Variants in ZNF778 observed in about 807,000 individuals in gnomAD.
ZNF778 encodes zinc finger protein 778.
ZNF778 carries 37 observed loss-of-function variants against 23.9 expected under a neutral mutation model. That is an observed-to-expected ratio of 1.54 (90% CI 1.19 to 2.03). The LOEUF (loss-of-function observed/expected upper bound fraction) is 2.03, where lower values mean the gene tolerates loss of function less well. ZNF778 is among the 30% of genes most tolerant of loss of function. The pLI is 0.00. For synonymous variants in ZNF778, 483 were observed against 343.9 expected, an observed-to-expected ratio of 1.40 and a Z score of -4.48; for missense variants, 1,297 against 934.4, an observed-to-expected ratio of 1.39 and a Z score of -5.06.
At chr16:89,226,468 G>A (rs1038384521) in intron 6 of ZNF778, among the ~76,000 whole-genome samples, 1 of 152,204 alleles carries the variant, frequency 6.6e-6, no homozygotes, top group African/African-American at 2.4e-5. Context: ...GCCTCCCAAA[G>A]TTCTGGGATT....
In ZNF778 at chr16:89,228,186, T is replaced by C. The variant is rs768993107; in HGVS notation, c.1898T>C (p.Ile633Thr). Residue 633 changes from isoleucine to threonine, a missense_variant, in exon 7 of 7, where the codon ATC (isoleucine) becomes ACC (threonine). By Grantham distance (89) the Ile-to-Thr change is moderately conservative. Coordinates refer to ENST00000433976, the MANE Select transcript of ZNF778 (RefSeq NM_001201407.2). Reference sequence around the variant, plus strand: ...GCCTTCACCACATCCTCACACCTTATCGTGCACATAAGAACCCACACCGGT... The same window carrying C: ...GCCTTCACCACATCCTCACACCTTACCGTGCACATAAGAACCCACACCGGT... ...GKAFTTSSHLIVHIRTHTGEK... is the reference protein window; with the variant it reads ...GKAFTTSSHLTVHIRTHTGEK... The C allele has an allele frequency of 1.2e-6, 2 of 1,613,166 alleles. No individual in the cohort carries two copies. Among genetic ancestry groups the C allele is most frequent in the Admixed American group, 1.7e-5 (1 of 59,898 alleles).
intron 1 of ZNF778, among the ~76,000 whole-genome samples, chr16:89,218,598 T>G (rs535357820): frequency 6.8e-6 from 1 of 147,178 alleles, no homozygotes; most frequent in Middle Eastern, 3.9e-3. Flanking sequence ...GACACCATCC[T>G]GGCTAACACG....
At position 89,227,557 on chromosome 16, in the gene ZNF778, C is replaced by G. The variant is rs1447340581; in HGVS notation, c.1269C>G (p.Cys423Trp). 1.2e-6 allele frequency: 2 copies of G among 1,613,850 alleles called. No individual in the cohort carries two copies. The highest frequency in any genetic ancestry group is 2.7e-5 in the African/African-American group (2 of 74,866). ...ACACTGGAATAAAACCCTATACATG[C>G]AGCTACTGTGGGAAGGCCTTCACTG... ...RIHTGIKPYT[C>W]SYCGKAFTVR... The change falls in exon 7 of 7, where the codon TGC (cysteine) becomes TGG (tryptophan). Residue 423 changes from cysteine to tryptophan, a missense_variant. Cys to Trp is a radical substitution (Grantham distance 215). Transcript: ENST00000433976.
rs9941250 is a variant in ZNF778, at chr16:89,235,372, G to T, written c.*6810G>T. On this transcript the variant is annotated 3_prime_UTR_variant, in exon 7 of 7. Transcript: ENST00000433976. ...ATTCGCTTGCCCTGGCCTCCAGGCA[G>T]TCCTGCAGCAGCAAACACATCATCA... 0.77 allele frequency: 117,324 copies of T among 152,072 alleles called. 46,930 individuals are homozygous for T. The highest frequency in any genetic ancestry group is 0.89 in the Non-Finnish European group (60,472 of 68,022). 9.4% of individuals were successfully genotyped at this position (152,072 alleles called of 1,614,324 possible). A position where few individuals can be genotyped will look rare whatever the true frequency, so the allele number is the denominator to read the frequency against.
intron 4 of ZNF778, among the ~76,000 whole-genome samples, chr16:89,223,553 C>G (rs908718702): frequency 7.2e-5 from 11 of 152,192 alleles, no homozygotes; most frequent in African/African-American, 2.4e-4. Context: ...CCTGTCATCT[C>G]TCCTGTAACA....
intron 1 of ZNF778, among the ~76,000 whole-genome samples, chr16:89,219,837 T>G (rs2030745757): frequency 6.6e-6 from 1 of 152,276 alleles, no homozygotes; most frequent in African/African-American, 2.4e-5. Context: ...CAGAGTGTTG[T>G]GCCTCTTTTT....
At chr16:89,223,394 A>G (rs927738292) in intron 4 of ZNF778, 111 bp downstream of exon 4, 12 of 1,465,192 alleles carry the variant, frequency 8.2e-6, no homozygotes, top group Non-Finnish European at 1.1e-5. Flanking sequence ...AGTAAGAGAT[A>G]TAACAACTGT....
Position 89,229,168 on chromosome 16 carries a change from C to T in ZNF778, c.*606C>T. The T allele has an allele frequency of 1.0e-6, 1 of 986,016 alleles. No homozygotes were observed. 61.1% of individuals were successfully genotyped at this position (986,016 alleles called of 1,614,324 possible). A position where few individuals can be genotyped will look rare whatever the true frequency, so the allele number is the denominator to read the frequency against. On this transcript the variant is annotated 3_prime_UTR_variant, in exon 7 of 7. Transcript: ENST00000433976. ...AGTGTCCACGTCGCAGCCTGGCTAA[C>T]AGTAGGCCTTGAGGACTCAGATGTG...
chr16:89,225,144 CTTGCTCTG>C (rs2031360677), intron 5 of ZNF778, among the ~76,000 whole-genome samples: 2 of 85,328 alleles, frequency 2.3e-5, no homozygotes, highest in Admixed American at 4.0e-4. Flanking sequence ...GAGACGGAGT[CTTGCTCTG>C]TTGCCCAGGC....
rs552463344 is a variant in ZNF778 at position 89,231,551 on chromosome 16, A to T, written c.*2989A>T. The T allele has an allele frequency of 6.6e-6, 1 of 152,176 alleles. No homozygotes were observed. The highest frequency in any genetic ancestry group is 1.5e-5 in the Non-Finnish European group (1 of 68,048). 9.4% of individuals were successfully genotyped at this position (152,176 alleles called of 1,614,324 possible). A position where few individuals can be genotyped will look rare whatever the true frequency, so the allele number is the denominator to read the frequency against. On this transcript the variant is annotated 3_prime_UTR_variant, in exon 7 of 7. Transcript: ENST00000433976. ...CAGAACCTCCTCAGCAGCGATGCCC[A>T]TGGACTGGGGTTCCTAAGGCACAAA...
rs560529648 is a variant in ZNF778, at chr16:89,228,026, A to G, written c.1738A>G (p.Ile580Val). The G allele has an allele frequency of 8.2e-6, 13 of 1,589,230 alleles. 1 individual carries two copies. In the African/African-American group the frequency reaches 1.6e-4, roughly 20 times the overall value. Reference protein sequence around the residue: ...FRNSSCLNKHIQIHTGIKPYE... With the variant: ...FRNSSCLNKHVQIHTGIKPYE... ...AAATTCCTCGTGCCTGAATAAGCAC[A>G]TTCAGATTCACACTGGAATAAAACC... Residue 580 changes from isoleucine to valine, a missense_variant, in exon 7 of 7, where the codon ATT (isoleucine) becomes GTT (valine). Coordinates refer to ENST00000433976, the MANE Select transcript of ZNF778 (RefSeq NM_001201407.2).
At chr16:89,225,320 T>G (rs1215236523) in intron 5 of ZNF778, among the ~76,000 whole-genome samples, 3 of 151,958 alleles carry the variant, frequency 2.0e-5, no homozygotes, top group African/African-American at 4.8e-5. Flanking sequence ...TCCAGCTCTT[T>G]CCTGCTTTCT....
rs373292938 is a variant in ZNF778, at chr16:89,228,208, C to T, written c.1920C>T (p.Thr640=). 5.0e-5 allele frequency: 81 copies of T among 1,613,286 alleles called. 1 individual carries two copies. The highest frequency in any genetic ancestry group is 3.3e-4 in the Middle Eastern group (2 of 6,084). The change falls in exon 7 of 7, where the codon ACC becomes ACT. Residue 640 remains threonine (T), a synonymous_variant. Coordinates refer to ENST00000433976, the MANE Select transcript of ZNF778 (RefSeq NM_001201407.2). Reference sequence around the variant, plus strand: ...TTATCGTGCACATAAGAACCCACACCGGTGAGAAACCCTACATATGTAAGG... The same window carrying T: ...TTATCGTGCACATAAGAACCCACACTGGTGAGAAACCCTACATATGTAAGG... ...SHLIVHIRTH[T]GEKPYICKEC... is the part of the protein sequence containing the mutation.
chr16:89,223,282 A>G lies in ZNF778; in HGVS notation c.243A>G (p.Val81=), dbSNP rs766616901. 6.2e-7 allele frequency: 1 copy of G among 1,613,940 alleles called. No individual in the cohort carries two copies. Among genetic ancestry groups the G allele is most frequent in the South Asian group, 1.1e-5 (1 of 91,062 alleles). ...MLENYENLAS[V]GHHLFQPSVI... is the part of the protein sequence containing the mutation. ...AAAACTACGAGAACCTGGCCTCAGT[A>G]GGTGAGGCTGCCACCGTCCTTTGCA... Residue 81 remains valine, a splice_region_variant and synonymous_variant, in exon 4 of 7, where the codon GTA becomes GTG. Transcript: ENST00000433976.
chr16:89,227,142 A>T lies in ZNF778; in HGVS notation c.854A>T (p.Glu285Val). The T allele has an allele frequency of 6.2e-7, 1 of 1,613,992 alleles. No homozygotes were observed. Among genetic ancestry groups the T allele is most frequent in the Non-Finnish European group, 8.5e-7 (1 of 1,179,892 alleles). ...GTCAGGAATCCCCACGTATGTAGGG[A>T]ATGTGGGAAGGCCTTTAGGTACACT... ...HAVRNPHVCR[E>V]CGKAFRYTAY... The change falls in exon 7 of 7, where the codon GAA (glutamate) becomes GTA (valine). Residue 285 changes from glutamate (E) to valine (V), a missense_variant. Glu to Val is a moderately radical substitution (Grantham distance 121, BLOSUM62 -2). Transcript: ENST00000433976.
rs1337431554 is a variant in ZNF778 at position 89,225,598 on chromosome 16, A to T, written c.372A>T (p.Arg124Ser). The T allele has an allele frequency of 6.2e-7, 1 of 1,612,964 alleles. No homozygotes were observed. The highest frequency in any genetic ancestry group is 8.5e-7 in the Non-Finnish European group (1 of 1,179,396). ...KTKGPALRQD[R>S]SWFRASNETQ... ...AAGGGCCAGCACTTCGGCAGGATAG[A>T]TCTTGGTTCAGAGCATCAAATGAGA... The change falls in exon 6 of 7, where the codon AGA becomes AGT. Residue 124 changes from arginine (R) to serine (S), a missense_variant. Transcript: ENST00000433976.
Position 89,227,826 on chromosome 16 carries a change from C to T in ZNF778, c.1538C>T (p.Ala513Val). ...TACGAATGTAAGCAGTGTGGCAAAG[C>T]CTTCACAGGGCGCTCAGGCCTCACT... ...KPYECKQCGK[A>V]FTGRSGLTKH... Residue 513 changes from alanine (A) to valine (V), a missense_variant, in exon 7 of 7, where the codon GCC (alanine) becomes GTC (valine). Ala to Val is a moderately conservative substitution (Grantham distance 64, BLOSUM62 0). Coordinates refer to ENST00000433976, the MANE Select transcript of ZNF778 (RefSeq NM_001201407.2). 6.2e-7 allele frequency: 1 copy of T among 1,614,094 alleles called. No individual in the cohort carries two copies.
chr16:89,232,707 C>G lies in ZNF778; in HGVS notation c.*4145C>G. The G allele has an allele frequency of 7.9e-7, 1 of 1,268,342 alleles. No homozygotes were observed. Among genetic ancestry groups the G allele is most frequent in the Non-Finnish European group, 1.0e-6 (1 of 975,714 alleles). 78.6% of individuals were successfully genotyped at this position (1,268,342 alleles called of 1,614,324 possible). A position where few individuals can be genotyped will look rare whatever the true frequency, so the allele number is the denominator to read the frequency against. ...TCTTGCTGTGGGGGCTAGACCGTCC[C>G]TCTCAGGCTAGATCATTCCTAAAGA... On this transcript the variant is annotated 3_prime_UTR_variant, in exon 7 of 7. Coordinates refer to ENST00000433976, the MANE Select transcript of ZNF778 (RefSeq NM_001201407.2).
At chr16:89,226,006 G>A (rs1013852150) in intron 6 of ZNF778, among the ~76,000 whole-genome samples, 1 of 151,974 alleles carries the variant, frequency 6.6e-6, no homozygotes, top group Non-Finnish European at 1.5e-5. Context: ...CCGCCTCCTG[G>A]ATTCAAGTGA....
Sources: allele counts gnomAD v4.1 joint callset (sites outside exome capture counted in the v4.1 genomes callset), GRCh38; gene constraint gnomAD v4.1.1; transcripts MANE v1.5; gene names NCBI Gene and HGNC (gene_info 2026-07-23, HGNC 2026-07-21).